Variants in AUTS2 observed in about 807,000 individuals in gnomAD.
AUTS2 encodes the protein activator of transcription and developmental regulator AUTS2.
Under a neutral mutation model 112.4 loss-of-function variants are expected in AUTS2, and 17 were observed. The ratio of observed to expected loss-of-function variants is 0.15; its 90% CI spans 0.10 to 0.23. AUTS2 has a LOEUF of 0.23. Among genes scored for constraint, AUTS2 ranks in the 10% least tolerant of loss-of-function variants. The pLI is 1.00. For missense variants in AUTS2, 1,510 were observed against 1,701.6 expected, an observed-to-expected ratio of 0.89 and a Z score of 1.98; for synonymous variants, 751 against 702.7, an observed-to-expected ratio of 1.07 and a Z score of -1.09.
intron 5 of AUTS2, among the ~76,000 whole-genome samples, chr7:70,671,134 G>C (rs1807617091): frequency 6.6e-6 from 1 of 152,174 alleles, no homozygotes; most frequent in Non-Finnish European, 1.5e-5. Flanking sequence ...CAGTGAGCCA[G>C]GATTGCACCA....
chr7:70,012,531 C>T (rs1307282955), intron 2 of AUTS2, among the ~76,000 whole-genome samples: 1 of 152,154 alleles, frequency 6.6e-6, no homozygotes, highest in Non-Finnish European at 1.5e-5. Context: ...CTTCTTCCAG[C>T]CTTTTCCTTT....
chr7:70,179,405 C>A lies in AUTS2; in HGVS notation c.660+44834C>A, dbSNP rs1809180052. ...TCCGAAGGTGTTACATTGTGCTTTTCTTTTCATGCATTTTTAGCACCTGCA... is the reference window on the plus strand; with the variant it reads ...TCCGAAGGTGTTACATTGTGCTTTTATTTTCATGCATTTTTAGCACCTGCA... On this transcript the variant is annotated intron_variant, in intron 4 of 18. Coordinates refer to ENST00000342771, the MANE Select transcript of AUTS2 (RefSeq NM_015570.4). 6.6e-5 allele frequency among the ~76,000 whole-genome samples: 10 copies of A among 152,274 alleles called. No individual in the cohort carries two copies. In the South Asian group the frequency reaches 2.1e-3, roughly 32 times the overall value.
intron 2 of AUTS2, among the ~76,000 whole-genome samples, chr7:70,094,251 G>A (rs543209872): frequency 1.3e-5 from 2 of 152,252 alleles, no homozygotes; most frequent in South Asian, 2.1e-4. Flanking sequence ...TTGTGTATGC[G>A]CCCTGCATGC....
intron 2 of AUTS2, among the ~76,000 whole-genome samples, chr7:70,088,812 C>T (rs749137886): frequency 2.0e-5 from 3 of 151,940 alleles, no homozygotes; most frequent in Non-Finnish European, 2.9e-5. Context: ...CGGGGTTTCA[C>T]AATGTTGGCC....
intron 4 of AUTS2, among the ~76,000 whole-genome samples, chr7:70,373,744 T>C (rs1226471381): frequency 6.6e-6 from 1 of 152,190 alleles, no homozygotes; most frequent in African/African-American, 2.4e-5. Context: ...ATAAAATGTC[T>C]AGAGTACAAA....
intron 6 of AUTS2, among the ~76,000 whole-genome samples, chr7:70,739,046 G>C (rs1219864726): frequency 1.3e-5 from 1 of 78,752 alleles, no homozygotes; most frequent in Non-Finnish European, 2.5e-5. Context: ...TTGAGAGAGA[G>C]ACAGGGTCTT....
At chr7:70,030,698 G>A (rs934817716) in intron 2 of AUTS2, among the ~76,000 whole-genome samples, 1 of 152,132 alleles carries the variant, frequency 6.6e-6, no homozygotes, top group Non-Finnish European at 1.5e-5. Context: ...TATGGCCCAT[G>A]TCATTGTACC....
chr7:70,586,198 A>G (rs1242377514), intron 5 of AUTS2, among the ~76,000 whole-genome samples: 1 of 152,202 alleles, frequency 6.6e-6, no homozygotes, highest in Non-Finnish European at 1.5e-5. Flanking sequence ...ACAATGCTAC[A>G]TGGCATTTGT....
In AUTS2 at chr7:70,352,209, C is replaced by T. The variant is rs373770643; in HGVS notation, c.661-83543C>T. 1.6e-4 allele frequency among the ~76,000 whole-genome samples: 25 copies of T among 152,272 alleles called. No homozygotes were observed. In the East Asian group the frequency reaches 4.1e-3, roughly 25 times the overall value. ...TAGTAAGTCATGAAGCCAGCCAGAACGCATGCTCTTAACCCCTGCACTGTT... is the reference window on the plus strand; with the variant it reads ...TAGTAAGTCATGAAGCCAGCCAGAATGCATGCTCTTAACCCCTGCACTGTT... On this transcript the variant is annotated intron_variant, in intron 4 of 18. Transcript: ENST00000342771.
chr7:70,160,048 T>G (rs1377185096), intron 4 of AUTS2, among the ~76,000 whole-genome samples: 1 of 152,158 alleles, frequency 6.6e-6, no homozygotes, highest in African/African-American at 2.4e-5. Context: ...AATAAAGGTA[T>G]AATTAGATTG....
chr7:70,466,259 G>A (rs936746648), intron 5 of AUTS2, among the ~76,000 whole-genome samples: 3 of 152,162 alleles, frequency 2.0e-5, no homozygotes, highest in African/African-American at 7.2e-5. Flanking sequence ...TCATGGGAAG[G>A]AGGACATTTT....
chr7:70,122,287 T>C (rs1805721897), intron 3 of AUTS2, among the ~76,000 whole-genome samples: 1 of 152,186 alleles, frequency 6.6e-6, no homozygotes. Flanking sequence ...AGTTGCTCAA[T>C]GTTTTGAATG....
intron 2 of AUTS2, among the ~76,000 whole-genome samples, chr7:70,071,191 T>C (rs1294301158): frequency 6.6e-6 from 1 of 152,178 alleles, no homozygotes; most frequent in Non-Finnish European, 1.5e-5. Context: ...ATTTGGGAAT[T>C]CTGACTAGAA....
chr7:70,545,773 C>T (rs915407980), intron 5 of AUTS2, among the ~76,000 whole-genome samples: 2 of 152,096 alleles, frequency 1.3e-5, no homozygotes, highest in Admixed American at 6.5e-5. Flanking sequence ...GTCTCAGAGC[C>T]GTTTATGTTC....
At chr7:69,846,047 T>A (rs1187847258) in intron 1 of AUTS2, among the ~76,000 whole-genome samples, 2 of 152,154 alleles carry the variant, frequency 1.3e-5, no homozygotes, top group Non-Finnish European at 2.9e-5. Context: ...AATGACCACT[T>A]CCCTCTTTTC....
At chr7:70,740,626 G>T (rs923137119) in intron 6 of AUTS2, among the ~76,000 whole-genome samples, 1 of 151,984 alleles carries the variant, frequency 6.6e-6, no homozygotes, top group Non-Finnish European at 1.5e-5. Flanking sequence ...CTTATTGATA[G>T]TTTATTAATA....
chr7:70,471,182 C>T (rs1797367397), intron 5 of AUTS2, among the ~76,000 whole-genome samples: 1 of 152,140 alleles, frequency 6.6e-6, no homozygotes, highest in African/African-American at 2.4e-5. Flanking sequence ...TTGAGTAAGT[C>T]CCTTGTCGGA....
intron 5 of AUTS2, among the ~76,000 whole-genome samples, chr7:70,477,028 GTTAC>G (rs946275204): frequency 1.3e-5 from 2 of 152,162 alleles, no homozygotes; most frequent in Non-Finnish European, 2.9e-5. Context: ...TCTAGGATAT[GTTAC>G]TTTGGATAAA....
intron 5 of AUTS2, among the ~76,000 whole-genome samples, chr7:70,544,666 A>G (rs936784509): frequency 1.3e-5 from 2 of 152,158 alleles, no homozygotes; most frequent in South Asian, 2.1e-4. Context: ...TTTTCAAGAT[A>G]ATAAAAGGTT....
Sources: allele counts gnomAD v4.1 joint callset (sites outside exome capture counted in the v4.1 genomes callset), GRCh38; gene constraint gnomAD v4.1.1; transcripts MANE v1.5; gene names NCBI Gene and HGNC (gene_info 2026-07-23, HGNC 2026-07-21).